Variants in CCDC12 observed in about 807,000 individuals in gnomAD.
CCDC12 encodes the protein coiled-coil domain containing 12.
Under a neutral mutation model 25.7 loss-of-function variants are expected in CCDC12, and 28 were observed. That is an observed-to-expected ratio of 1.09 (90% confidence interval 0.81 to 1.50). CCDC12 has a LOEUF of 1.50. CCDC12 is among the 40% of genes most tolerant of loss of function. CCDC12 has a pLI of 0.00. For missense variants in CCDC12, 198 were observed against 210.0 expected, an observed-to-expected ratio of 0.94 and a Z score of 0.35; for synonymous variants, 75 against 87.7, an observed-to-expected ratio of 0.86 and a Z score of 0.81.
chr3:46,939,823 C>A (rs1354635217), intron 2 of CCDC12, among the ~76,000 whole-genome samples: 1 of 152,166 alleles, frequency 6.6e-6, no homozygotes, highest in Admixed American at 6.5e-5. Flanking sequence ...AGAGATGAGG[C>A]CCGCATGTGG....
At chr3:46,947,656 G>C (rs1464429704) in intron 1 of CCDC12, among the ~76,000 whole-genome samples, 1 of 152,152 alleles carries the variant, frequency 6.6e-6, no homozygotes, top group Non-Finnish European at 1.5e-5. Flanking sequence ...GTGCTGCTAG[G>C]ATGACTTGGT....
chr3:46,932,438 T>C (rs1296897712), intron 2 of CCDC12, among the ~76,000 whole-genome samples: 1 of 152,248 alleles, frequency 6.6e-6, no homozygotes. Context: ...AAGAGCCCAG[T>C]GGCTTCCCCA....
At chr3:46,956,581 G>A (rs567773933) in intron 1 of CCDC12, among the ~76,000 whole-genome samples, 4 of 152,198 alleles carry the variant, frequency 2.6e-5, no homozygotes, top group Non-Finnish European at 4.4e-5. Context: ...CAACACTTTG[G>A]GAGGTTGAGA....
intron 1 of CCDC12, among the ~76,000 whole-genome samples, chr3:46,947,688 T>C (rs910786116): frequency 2.6e-5 from 4 of 152,190 alleles, no homozygotes; most frequent in African/African-American, 9.7e-5. Context: ...CTCTATCTGC[T>C]GACCAGACCA....
intron 1 of CCDC12, among the ~76,000 whole-genome samples, chr3:46,950,702 T>C (rs2034084876): frequency 6.6e-6 from 1 of 152,186 alleles, no homozygotes; most frequent in Non-Finnish European, 1.5e-5. Flanking sequence ...TAAGTCTCTG[T>C]ATATGCTAAA....
At chr3:46,943,293 T>A (rs979621561) in intron 1 of CCDC12, among the ~76,000 whole-genome samples, 1 of 152,110 alleles carries the variant, frequency 6.6e-6, no homozygotes, top group Non-Finnish European at 1.5e-5. Flanking sequence ...GACTAGCCGA[T>A]GAAGCAAGCC....
At chr3:46,978,932 G>A (rs898117165), upstream of CCDC12, among the ~76,000 whole-genome samples, 15 of 152,144 alleles carry the variant, frequency 9.9e-5, no homozygotes, top group Non-Finnish European at 1.9e-4. Flanking sequence ...GCAGTGAGCC[G>A]AGATCGAGTC....
intron 5 of CCDC12, chr3:46,922,588 C>A: frequency 1.9e-6 from 1 of 521,142 alleles, no homozygotes; most frequent in Non-Finnish European, 3.5e-6. Context: ...TCTCAGAGAC[C>A]CTCTCTTGCT....
At chr3:46,965,257 C>T (rs1395033036) in intron 1 of CCDC12, among the ~76,000 whole-genome samples, 2 of 152,214 alleles carry the variant, frequency 1.3e-5, no homozygotes, top group Non-Finnish European at 2.9e-5. Flanking sequence ...TTTCCAATTC[C>T]CTGCCCCCTA....
chr3:46,961,302 T>A (rs1407545805), intron 1 of CCDC12, among the ~76,000 whole-genome samples: 1 of 152,190 alleles, frequency 6.6e-6, no homozygotes, highest in Non-Finnish European at 1.5e-5. Context: ...TGCTACAGAA[T>A]CACATGCTGC....
At position 46,951,825 on chromosome 3, in the gene CCDC12, T is replaced by TATATATATA. The variant is rs1559559184; in HGVS notation, c.97-10761_97-10760insTATATATAT. On this transcript the variant is annotated intron_variant, in intron 1 of 6. Coordinates refer to ENST00000683445, the MANE Select transcript of CCDC12 (RefSeq NM_001277074.2). ...TATATATATATATATATATATATAC[T>TATATATATA]TAATGAGGATCAAATTAACAATGAT... 5.1e-3 allele frequency among the ~76,000 whole-genome samples: 152 copies of TATATATATA among 29,996 alleles called. 16 individuals are homozygous for TATATATATA. Among genetic ancestry groups the TATATATATA allele is most frequent in the East Asian group, 0.011 (7 of 640 alleles). 19.7% of individuals were successfully genotyped at this position (29,996 alleles called of 152,430 possible). A position where few individuals can be genotyped will look rare whatever the true frequency, so the allele number is the denominator to read the frequency against.
At chr3:46,926,870 C>T (rs1422950285) in intron 2 of CCDC12, among the ~76,000 whole-genome samples, 1 of 152,150 alleles carries the variant, frequency 6.6e-6, no homozygotes, top group Non-Finnish European at 1.5e-5. Flanking sequence ...CCACAGTCTG[C>T]CATCTCCCAA....
chr3:46,976,505 GC>G (rs1172140385), intron 1 of CCDC12, 131 bp downstream of exon 1: 9 of 1,438,510 alleles, frequency 6.3e-6, no homozygotes, highest in Non-Finnish European at 8.2e-6. Context: ...GTCTTCTCGC[GC>G]ATGCGTTAGC....
chr3:46,938,119 C>CAAAGCAGAAG (rs2033527234), intron 2 of CCDC12, among the ~76,000 whole-genome samples: 1 of 152,188 alleles, frequency 6.6e-6, no homozygotes, highest in Non-Finnish European at 1.5e-5. Flanking sequence ...CAGATTAGAG[C>CAAAGCAGAAG]AAAGCAGAAG....
chr3:46,927,356 G>A (rs574782027), intron 2 of CCDC12, among the ~76,000 whole-genome samples: 9 of 152,336 alleles, frequency 5.9e-5, no homozygotes, highest in African/African-American at 2.2e-4. Flanking sequence ...GAAACTGGGT[G>A]TGGGAAGAAA....
In CCDC12 at chr3:46,971,255, T is replaced by C. The variant is rs146888359; in HGVS notation, c.96+5382A>G. On this transcript the variant is annotated intron_variant, in intron 1 of 6. Transcript: ENST00000683445. ...GGCTCTGCCTGGCTTTCCCAGAAAA[T>C]GAACCCCAGCAGTACTGTCTTTCTG... Among the ~76,000 whole-genome samples, 894 of 152,358 alleles carry C rather than the reference T, an allele frequency of 5.9e-3. 7 individuals carry two copies. Among genetic ancestry groups the C allele is most frequent in the Middle Eastern group, 0.024 (7 of 294 alleles).
At chr3:46,942,090 A>G (rs1297906572) in intron 1 of CCDC12, among the ~76,000 whole-genome samples, 1 of 152,218 alleles carries the variant, frequency 6.6e-6, no homozygotes, top group East Asian at 1.9e-4. Context: ...TCTCAGGTGC[A>G]CTGGGGGCCA....
At chr3:46,964,345 CGCCCG>C (rs1441776228) in intron 1 of CCDC12, among the ~76,000 whole-genome samples, 2 of 151,028 alleles carry the variant, frequency 1.3e-5, no homozygotes, top group Non-Finnish European at 3.0e-5. Context: ...GGTCAGCCCC[CGCCCG>C]GCCAGCCGCC....
upstream of CCDC12, among the ~76,000 whole-genome samples, chr3:46,981,692 G>T (rs143526002): frequency 1.6e-4 from 25 of 152,282 alleles, no homozygotes; most frequent in East Asian, 4.8e-3. Flanking sequence ...GGCTCTAGGT[G>T]CATGGGCAGG....
Sources: gnomAD v4.1 joint callset for allele counts (sites outside exome capture counted in the v4.1 genomes callset) on GRCh38, gnomAD v4.1.1 for gene constraint, MANE v1.5 for transcripts, NCBI Gene and HGNC (gene_info 2026-07-23, HGNC 2026-07-21) for gene names.